The following ATP13A3 variants were observed in gnomAD, a reference collection of about 807,000 sequenced individuals.
The protein encoded by ATP13A3 is ATPase 13A3.
A neutral mutation model predicts 158.1 loss-of-function variants in ATP13A3; 59 were observed. That is an observed-to-expected ratio of 0.37 (90% CI 0.30 to 0.46). The LOEUF is 0.46. Among genes scored for constraint, ATP13A3 ranks in the 20% least tolerant of loss-of-function variants. The probability of loss-of-function intolerance (pLI) is 1.00; values close to 1 mark genes in which losing one functional copy is unlikely to be tolerated. For synonymous variants in ATP13A3, 491 were observed against 504.3 expected, an observed-to-expected ratio of 0.97 and a Z score of 0.35; for missense variants, 1,166 against 1,525.2, an observed-to-expected ratio of 0.76 and a Z score of 3.92.
chr3:194,424,581 C>T (rs1483680340), intron 30 of ATP13A3: 1 of 152,184 alleles, frequency 6.6e-6, no homozygotes, highest in Non-Finnish European at 1.5e-5. Context: ...GCCACCTAGT[C>T]ATAACTACAG....
rs369559680 is a variant in ATP13A3 at position 194,446,908 on chromosome 3, A to G, written c.1497+19T>C. 6.4e-6 allele frequency: 10 copies of G among 1,560,720 alleles called. No individual in the cohort carries two copies. Among genetic ancestry groups the G allele is most frequent in the Non-Finnish European group, 8.6e-6 (10 of 1,156,414 alleles). ...CGCTACGAAGTAACCTTTGAAAGTA[A>G]CTATGAAACTGAACCCACCTTGTCA... On this transcript the variant is annotated intron_variant, in intron 14 of 33. Transcript: ENST00000645319.
chr3:194,453,695 C>T lies in ATP13A3; in HGVS notation c.838+11G>A, dbSNP rs775789687. 6.2e-6 allele frequency: 10 copies of T among 1,603,690 alleles called. No individual in the cohort carries two copies. The highest frequency in any genetic ancestry group is 1.6e-4 in the Middle Eastern group (1 of 6,070). ...TTTTTTGATTTATTCTTCCAACATT[C>T]AATTACTTACCTTCATTTACTCTAC... On this transcript the variant is annotated intron_variant, in intron 10 of 33. Transcript: ENST00000645319.
intron 10 of ATP13A3, 138 bp downstream of exon 10, chr3:194,453,568 C>T: frequency 2.9e-6 from 2 of 683,994 alleles, no homozygotes; most frequent in South Asian, 2.1e-5. Flanking sequence ...CTTTGCACTC[C>T]AGCCTAAGTG....
At chr3:194,453,463 G>C (rs898893335) in intron 10 of ATP13A3, among the ~76,000 whole-genome samples, 1 of 151,856 alleles carries the variant, frequency 6.6e-6, no homozygotes, top group Non-Finnish European at 1.5e-5. Flanking sequence ...GCTGGGCATG[G>C]TGGCATGCAC....
At chr3:194,486,181 T>C (rs190618491) in intron 1 of ATP13A3, among the ~76,000 whole-genome samples, 1 of 152,214 alleles carries the variant, frequency 6.6e-6, no homozygotes, top group East Asian at 1.9e-4. Context: ...AATGCGGAGA[T>C]GGCAAGCAGC....
At chr3:194,419,809 G>C in intron 31 of ATP13A3, 70 bp downstream of exon 31, 1 of 1,514,404 alleles carries the variant, frequency 6.6e-7, no homozygotes. Flanking sequence ...AAAAAGAAGA[G>C]ATCCTGGAAA....
chr3:194,475,512 A>G (rs1720487172), intron 2 of ATP13A3, among the ~76,000 whole-genome samples: 1 of 152,216 alleles, frequency 6.6e-6, no homozygotes, highest in African/African-American at 2.4e-5. Flanking sequence ...CCTTTGTCTA[A>G]TCTGAAACCT....
At chr3:194,414,425 TGTACTCCAGC>T (rs1715663223) in intron 31 of ATP13A3, among the ~76,000 whole-genome samples, 1 of 149,298 alleles carries the variant, frequency 6.7e-6, no homozygotes, top group Non-Finnish European at 1.5e-5. Context: ...ATCCTGCCAC[TGTACTCCAGC>T]GTGGGTGACA....
chr3:194,454,200 T>C, intron 9 of ATP13A3, 58 bp downstream of exon 9: 1 of 1,478,816 alleles, frequency 6.8e-7, no homozygotes, highest in Non-Finnish European at 9.3e-7. Context: ...CTACACACAT[T>C]AGATGTTACT....
At chr3:194,436,034 T>C (rs1012183086) in intron 20 of ATP13A3, among the ~76,000 whole-genome samples, 7 of 152,208 alleles carry the variant, frequency 4.6e-5, no homozygotes, top group African/African-American at 1.7e-4. Context: ...AAGAGACTAA[T>C]GTGTCCTTAG....
intron 2 of ATP13A3, among the ~76,000 whole-genome samples, chr3:194,475,331 T>G (rs1720479308): frequency 6.6e-6 from 1 of 152,202 alleles, no homozygotes; most frequent in Non-Finnish European, 1.5e-5. Context: ...TACAGAATGA[T>G]TCATATTTCA....
In ATP13A3 at chr3:194,459,978, G is replaced by A. The variant is rs1440024528; in HGVS notation, c.226-7C>T. On this transcript the variant is annotated splice_region_variant and splice_polypyrimidine_tract_variant and intron_variant, in intron 4 of 33. Transcript: ENST00000645319. ...ACCACATTTTGAATTCATCCTTAAA[G>A]AGAGAAAGGGATAACGGTAAGGAGT... 2 of 1,605,776 alleles carry A rather than the reference G, an allele frequency of 1.2e-6. No homozygotes were observed. The highest frequency in any genetic ancestry group is 8.5e-7 in the Non-Finnish European group (1 of 1,175,028).
chr3:194,458,293 C>T (rs1371786301), intron 6 of ATP13A3, among the ~76,000 whole-genome samples: 2 of 151,486 alleles, frequency 1.3e-5, no homozygotes, highest in Non-Finnish European at 2.9e-5. Context: ...TTTCTTCCCA[C>T]TGAATTTGAT....
chr3:194,442,124 G>A (rs561367140), intron 15 of ATP13A3, among the ~76,000 whole-genome samples: 2 of 152,292 alleles, frequency 1.3e-5, no homozygotes, highest in East Asian at 3.9e-4. Context: ...AACACAGGAG[G>A]TCAGTTAAAG....
chr3:194,459,375 C>A, intron 6 of ATP13A3, 96 bp downstream of exon 6: 1 of 828,372 alleles, frequency 1.2e-6, no homozygotes, highest in South Asian at 1.6e-5. Flanking sequence ...TAAAATAAAA[C>A]CTCAGCAATT....
chr3:194,425,613 A>G (rs1716709619), intron 29 of ATP13A3, 84 bp from the exon 30 acceptor site: 2 of 1,041,074 alleles, frequency 1.9e-6, no homozygotes, highest in Non-Finnish European at 2.8e-6. Context: ...AATTGCCCTG[A>G]ATCACTATCA....
Position 194,459,528 on chromosome 3 carries a change from G to A in ATP13A3, c.422C>T (p.Thr141Ile). 6.2e-7 allele frequency: 1 copy of A among 1,604,034 alleles called. No individual in the cohort carries two copies. ...QTESQQIRYF[T>I]HHSVKYFWND... ...CCAGAAATATTTTACACTATGGTGG[G>A]TGAAATAACGAATCTGTGGAACACA... The change falls in exon 6 of 34, where the codon ACC becomes ATC. Residue 141 changes from threonine (T) to isoleucine (I), a missense_variant. Around this residue, in one of 3 missense-constraint regions of ATP13A3, gnomAD observed 104 missense variants for 91.7 expected, o/e 1.13. Coordinates refer to ENST00000645319, the MANE Select transcript of ATP13A3 (RefSeq NM_001367549.1).
At chr3:194,420,106 G>T in intron 30 of ATP13A3, 139 bp from the exon 31 acceptor site, 1 of 937,458 alleles carries the variant, frequency 1.1e-6, no homozygotes. Context: ...TAAAGTATGT[G>T]CTCTGTTATC....
chr3:194,462,108 C>T lies in ATP13A3; in HGVS notation c.51+32G>A, dbSNP rs76459606. 0.02 allele frequency: 32,844 copies of T among 1,604,078 alleles called. 1,776 individuals carry two copies. In the African/African-American group the frequency reaches 0.21, roughly 10 times the overall value. ...ATAAATTGCAGAGATAAAGTCTTCA[C>T]ACATCACCAGTAAATTAGAACAGCT... On this transcript the variant is annotated intron_variant, in intron 3 of 33. Coordinates refer to ENST00000645319, the MANE Select transcript of ATP13A3 (RefSeq NM_001367549.1).
Sources: allele counts gnomAD v4.1 joint callset (sites outside exome capture counted in the v4.1 genomes callset), GRCh38; gene constraint gnomAD v4.1.1; regional missense constraint gnomAD v4.1.1; transcripts MANE v1.5; gene names NCBI Gene and HGNC (gene_info 2026-07-23, HGNC 2026-07-21).